The following HSH2D variants were observed in gnomAD, a reference collection of about 807,000 sequenced individuals.
HSH2D encodes hematopoietic SH2 domain-containing protein.
HSH2D carries 16 observed loss-of-function variants against 21.5 expected under a neutral mutation model. The observed-to-expected ratio is 0.74, with a 90% confidence interval of 0.50 to 1.13. HSH2D has a LOEUF of 1.13. Ranked by LOEUF, HSH2D falls within the 50% of genes most tolerant of loss-of-function variation. HSH2D has a pLI of 0.00. For missense variants in HSH2D, 418 were observed against 441.4 expected (o/e 0.95, Z 0.47); for synonymous variants, 172 against 184.7 (o/e 0.93, Z 0.56).
rs1287827604 is a variant in HSH2D, at chr19:16,149,165, C to A, written c.125+290C>A. Among the ~76,000 whole-genome samples, 5 of 152,284 alleles carry A rather than the reference C, an allele frequency of 3.3e-5. No homozygotes were observed. In the East Asian group the frequency reaches 9.7e-4, roughly 29 times the overall value. On this transcript the variant is annotated intron_variant, in intron 2 of 5. Coordinates refer to ENST00000613986, the MANE Select transcript of HSH2D (RefSeq NM_001382417.1). ...CACCCCACACCTCGCCCAGGCCAAG[C>A]ATTACCAATCAACGATGGCAGCATG...
At position 16,157,076 on chromosome 19, in the gene HSH2D, T is replaced by G; in HGVS notation, c.475-134T>G. The G allele has an allele frequency of 1.7e-6, 1 of 602,384 alleles. No homozygotes were observed. Among genetic ancestry groups the G allele is most frequent in the Non-Finnish European group, 2.7e-6 (1 of 367,130 alleles). 37.3% of individuals were successfully genotyped at this position (602,384 alleles called of 1,614,324 possible). ...GAGACGAGAAAGATGGGGCATGGGATCAGGTTTGGGGGTTCACACGGGGAC... is the reference window on the plus strand; with the variant it reads ...GAGACGAGAAAGATGGGGCATGGGAGCAGGTTTGGGGGTTCACACGGGGAC... On this transcript the variant is annotated intron_variant, in intron 5 of 5. Transcript: ENST00000613986. The surrounding 1 kb of genome is among the most constrained non-coding windows in gnomAD (Gnocchi z 4.4).
At chr19:16,148,572 C>T (rs1195582319) in intron 1 of HSH2D, among the ~76,000 whole-genome samples, 152 bp from the exon 2 acceptor site, 2 of 152,158 alleles carry the variant, frequency 1.3e-5, no homozygotes, top group Non-Finnish European at 2.9e-5. Flanking sequence ...ACATGTGAGC[C>T]GTCACACCCA....
chr19:16,148,776 T>G lies in HSH2D; in HGVS notation c.26T>G (p.Leu9Arg). ...ATGACAGAGGCCGGGAAGCTGCCCC[T>G]ACCGCTACCCCCACGGCTGGACTGG... is the stretch of plus-strand genomic sequence containing the variant. MTEAGKLP[L>R]PLPPRLDWFV... The change falls in exon 2 of 6, where the codon CTA becomes CGA. Residue 9 changes from leucine (L) to arginine (R), a missense_variant. By Grantham distance (102) the Leu-to-Arg change is moderately radical (BLOSUM62 -2). Coordinates refer to ENST00000613986, the MANE Select transcript of HSH2D (RefSeq NM_001382417.1). 1 of 1,613,810 alleles carries G rather than the reference T, an allele frequency of 6.2e-7. No individual in the cohort carries two copies. The highest frequency in any genetic ancestry group is 8.5e-7 in the Non-Finnish European group (1 of 1,179,830).
intron 1 of HSH2D, among the ~76,000 whole-genome samples, chr19:16,145,652 A>G (rs995944179): frequency 1.3e-5 from 2 of 152,190 alleles, no homozygotes; most frequent in East Asian, 3.8e-4. Context: ...GAGAAAGTCA[A>G]TATTGACTGC....
chr19:16,137,597 AAAG>A (rs1451709980), intron 1 of HSH2D, among the ~76,000 whole-genome samples: 8 of 151,666 alleles, frequency 5.3e-5, no homozygotes, highest in Non-Finnish European at 8.8e-5. Flanking sequence ...AAAAAGAAAA[AAAG>A]AAGCAGGGTC....
At chr19:16,143,620 T>C (rs180773616), upstream of HSH2D, 10 of 356,602 alleles carry the variant, frequency 2.8e-5, no homozygotes, top group East Asian at 9.3e-4. Flanking sequence ...GCTGTCCTTG[T>C]TCCGCCCCCA....
intron 1 of HSH2D, among the ~76,000 whole-genome samples, chr19:16,137,313 C>T (rs2090970328): frequency 6.6e-6 from 1 of 152,052 alleles, no homozygotes; most frequent in Admixed American, 6.6e-5. Flanking sequence ...CTGTCATCAT[C>T]ATCATTATCA....
upstream of HSH2D, among the ~76,000 whole-genome samples, chr19:16,143,474 T>TGTCACCCC (rs1276214544): frequency 3.9e-5 from 6 of 152,200 alleles, no homozygotes; most frequent in African/African-American, 1.4e-4. Context: ...CCTGTCTCCG[T>TGTCACCCC]GTCACCCCTG....
chr19:16,140,220 T>C (rs556074984), upstream of HSH2D, among the ~76,000 whole-genome samples: 5 of 152,162 alleles, frequency 3.3e-5, no homozygotes, highest in East Asian at 5.8e-4. Context: ...GGTAGATCGC[T>C]TGAGGCCAGG....
upstream of HSH2D, among the ~76,000 whole-genome samples, chr19:16,139,102 C>T (rs1022845291): frequency 6.6e-6 from 1 of 152,212 alleles, no homozygotes; most frequent in Non-Finnish European, 1.5e-5. Context: ...AGGTGATCTG[C>T]CCACCTCGGC....
In HSH2D at chr19:16,151,828, G is replaced by A. The variant is rs556096504; in HGVS notation, c.126-724G>A. ...TGTTTGTTCATTTAGAAAACAGGCC[G>A]GGCACAGTGGCTCACACCTGTAATC... is the stretch of plus-strand genomic sequence containing the variant. On this transcript the variant is annotated intron_variant, in intron 2 of 5. Transcript: ENST00000613986. 1.1e-4 allele frequency among the ~76,000 whole-genome samples: 17 copies of A among 150,940 alleles called. No individual in the cohort carries two copies. In the South Asian group the frequency reaches 2.5e-3, roughly 22 times the overall value.
At chr19:16,141,249 A>G (rs971740710), upstream of HSH2D, among the ~76,000 whole-genome samples, 48 of 152,280 alleles carry the variant, frequency 3.2e-4, no homozygotes, top group African/African-American at 1.1e-3. Context: ...TTGACCACAG[A>G]GGGCAGACGA....
chr19:16,144,756 G>A (rs1311374700), intron 1 of HSH2D, among the ~76,000 whole-genome samples: 7 of 138,358 alleles, frequency 5.1e-5, no homozygotes, highest in East Asian at 2.3e-4. Context: ...GCAGTGGCTC[G>A]ATCTCAGCTC....
upstream of HSH2D, among the ~76,000 whole-genome samples, chr19:16,141,654 C>T (rs139189073): frequency 5.9e-5 from 9 of 152,136 alleles, no homozygotes; most frequent in African/African-American, 1.7e-4. Flanking sequence ...GCTGGCACGG[C>T]GGCCCACACC....
chr19:16,142,917 C>G (rs1288079489), upstream of HSH2D, among the ~76,000 whole-genome samples: 1 of 152,006 alleles, frequency 6.6e-6, no homozygotes, highest in East Asian at 1.9e-4. Context: ...GGATTACAGG[C>G]ACCCGCCACC....
At chr19:16,156,705 A>T (rs1352467025) in intron 5 of HSH2D, among the ~76,000 whole-genome samples, 5 of 152,160 alleles carry the variant, frequency 3.3e-5, no homozygotes, top group Non-Finnish European at 5.9e-5. Flanking sequence ...GAAGTTTGCC[A>T]GGCCAGGTGC....
At chr19:16,139,972 G>A (rs2090989293), upstream of HSH2D, 1 of 152,246 alleles carries the variant, frequency 6.6e-6, no homozygotes, top group South Asian at 2.1e-4. Flanking sequence ...TAGTTTGTGG[G>A]AGACCACATC....
At chr19:16,142,120 A>C (rs1158191090), upstream of HSH2D, 4 of 152,156 alleles carry the variant, frequency 2.6e-5, no homozygotes, top group African/African-American at 9.7e-5. Context: ...AAATATTTTA[A>C]AATATTTTAT....
chr19:16,143,166 C>A, upstream of HSH2D, among the ~76,000 whole-genome samples: 1 of 152,074 alleles, frequency 6.6e-6, no homozygotes, highest in East Asian at 1.9e-4. Flanking sequence ...CTCACTGCAA[C>A]CTCCGCCTCC....
Sources: allele counts gnomAD v4.1 joint callset (sites outside exome capture counted in the v4.1 genomes callset), GRCh38; gene constraint gnomAD v4.1.1; non-coding constraint Gnocchi (gnomAD v3.1); transcripts MANE v1.5; gene names NCBI Gene and HGNC (gene_info 2026-07-23, HGNC 2026-07-21).